The following ST13 variants were observed in gnomAD, a reference collection of about 807,000 sequenced individuals.
ST13 encodes the protein ST13 Hsp70 interacting protein, also known as hsc70-interacting protein.
ST13 carries 23 observed loss-of-function variants against 56.7 expected under a neutral mutation model. The ratio of observed to expected loss-of-function variants is 0.41; its 90% CI spans 0.29 to 0.57. The LOEUF (loss-of-function observed/expected upper bound fraction) is 0.57. ST13 is among the 20% of genes least tolerant of loss of function. The pLI is 0.36. For missense variants in ST13, 369 were observed against 459.9 expected (o/e 0.80, Z 1.81); for synonymous variants, 132 against 142.4 (o/e 0.93, Z 0.52).
intron 5 of ST13, among the ~76,000 whole-genome samples, chr22:40,837,065 C>G (rs1266269071): frequency 1.3e-5 from 2 of 152,242 alleles, no homozygotes; most frequent in Non-Finnish European, 2.9e-5. Flanking sequence ...ATCCCCCCAA[C>G]TCAGCCTTCT....
chr22:40,830,293 GGTTCTTTCAT>G (rs996126658), intron 9 of ST13, among the ~76,000 whole-genome samples: 42 of 152,220 alleles, frequency 2.8e-4, no homozygotes, highest in Non-Finnish European at 5.9e-4. Context: ...TACAGCCTTA[GGTTCTTTCAT>G]GTTCTTTCAT....
At chr22:40,845,050 A>G in intron 3 of ST13, 141 bp from the exon 4 acceptor site, 1 of 602,338 alleles carries the variant, frequency 1.7e-6, no homozygotes, top group South Asian at 2.4e-5. Flanking sequence ...TGTTCCCATT[A>G]AACATTTCGT....
intron 5 of ST13, 151 bp downstream of exon 5, chr22:40,840,475 T>C: frequency 3.2e-6 from 2 of 618,936 alleles, no homozygotes; most frequent in Non-Finnish European, 5.6e-6. Flanking sequence ...TCAGCCTCTT[T>C]TATCAATGAG....
chr22:40,830,048 C>CA (rs1319010730), intron 9 of ST13, among the ~76,000 whole-genome samples: 5 of 152,166 alleles, frequency 3.3e-5, no homozygotes, highest in Admixed American at 2.0e-4. Context: ...TTCCGTTATT[C>CA]TCCCTACATA....
chr22:40,846,687 T>A (rs2057832952), intron 3 of ST13, among the ~76,000 whole-genome samples: 1 of 152,166 alleles, frequency 6.6e-6, no homozygotes, highest in Non-Finnish European at 1.5e-5. Flanking sequence ...AGACCTCTAA[T>A]GATATCAAAG....
At chr22:40,837,365 C>G (rs1410696918) in intron 5 of ST13, among the ~76,000 whole-genome samples, 2 of 152,136 alleles carry the variant, frequency 1.3e-5, no homozygotes, top group Admixed American at 6.5e-5. Flanking sequence ...CCTGTAATCT[C>G]AGCACTTTGG....
At chr22:40,856,010 A>G (rs73412747) in intron 1 of ST13, among the ~76,000 whole-genome samples, 1,816 of 151,874 alleles carry the variant, frequency 0.012, 41 homozygotes, top group African/African-American at 0.042. Flanking sequence ...TACTAGTGTT[A>G]TATTATTATA....
chr22:40,829,707 G>T, intron 9 of ST13, 33 bp from the exon 10 acceptor site: 1 of 1,310,820 alleles, frequency 7.6e-7, no homozygotes, highest in East Asian at 2.6e-5. Context: ...TTATATAATA[G>T]AAGAAGAAAT....
intron 3 of ST13, among the ~76,000 whole-genome samples, chr22:40,845,644 C>T (rs1749283093): frequency 6.6e-6 from 1 of 152,044 alleles, no homozygotes; most frequent in Non-Finnish European, 1.5e-5. Context: ...AAAGCAGTAT[C>T]TTGCTTTTCA....
At chr22:40,835,979 T>C (rs1476193806) in intron 5 of ST13, 92 bp from the exon 6 acceptor site, 20 of 1,024,730 alleles carry the variant, frequency 2.0e-5, no homozygotes, top group Non-Finnish European at 2.5e-5. Flanking sequence ...TCTTTTACAT[T>C]TTTCTTTTAA....
At chr22:40,854,916 ACTT>A (rs1385421309) in intron 1 of ST13, among the ~76,000 whole-genome samples, 1 of 152,214 alleles carries the variant, frequency 6.6e-6, no homozygotes, top group African/African-American at 2.4e-5. Context: ...TGCAAAATAG[ACTT>A]CTTACCAATA....
At chr22:40,828,449 A>T (rs1457747050) in intron 10 of ST13, among the ~76,000 whole-genome samples, 2 of 25,002 alleles carry the variant, frequency 8.0e-5, no homozygotes, top group East Asian at 7.5e-4. Flanking sequence ...CTAAAAATAC[A>T]AAAAAAAAAA....
At chr22:40,832,350 C>G in intron 8 of ST13, 1 of 542,914 alleles carries the variant, frequency 1.8e-6, no homozygotes, top group South Asian at 1.9e-5. Flanking sequence ...GGCTTCCAAA[C>G]AAAGTAACAG....
intron 5 of ST13, among the ~76,000 whole-genome samples, chr22:40,838,392 G>GA (rs2057787408): frequency 6.6e-6 from 1 of 152,084 alleles, no homozygotes; most frequent in South Asian, 2.1e-4. Context: ...AGAGAGTTCA[G>GA]AAAAAAGTGA....
chr22:40,847,556 GA>G (rs1177807946), intron 3 of ST13, among the ~76,000 whole-genome samples: 3,046 of 84,150 alleles, frequency 0.036, 57 homozygotes, highest in African/African-American at 0.1. Flanking sequence ...CTCAAAAAAA[GA>G]AAAAAAAAAA....
intron 5 of ST13, among the ~76,000 whole-genome samples, chr22:40,838,160 C>G (rs1474105008): frequency 3.9e-5 from 6 of 152,172 alleles, no homozygotes; most frequent in African/African-American, 1.4e-4. Context: ...GGGAAAGCAG[C>G]CACAGTTAAG....
intron 4 of ST13, among the ~76,000 whole-genome samples, chr22:40,841,413 ATCC>A (rs950076082): frequency 1.2e-4 from 18 of 152,074 alleles, no homozygotes; most frequent in Admixed American, 1.2e-3. Context: ...TATAGCAAAC[ATCC>A]TCCTAAAATG....
At chr22:40,829,774 T>A (rs1042930030) in intron 9 of ST13, 100 bp from the exon 10 acceptor site, 5 of 541,670 alleles carry the variant, frequency 9.2e-6, no homozygotes, top group African/African-American at 2.0e-5. Flanking sequence ...TAAAATAACC[T>A]AGTAGATGGC....
At chr22:40,837,381 C>T (rs557042133) in intron 5 of ST13, among the ~76,000 whole-genome samples, 16 of 152,010 alleles carry the variant, frequency 1.1e-4, no homozygotes, top group Non-Finnish European at 2.4e-4. Context: ...TTTGGGAGGC[C>T]GAGGCAGGTG....
Sources: gnomAD v4.1 joint callset for allele counts (sites outside exome capture counted in the v4.1 genomes callset) on GRCh38, gnomAD v4.1.1 for gene constraint, MANE v1.5 for transcripts, NCBI Gene and HGNC (gene_info 2026-07-23, HGNC 2026-07-21) for gene names.